Variants in IL1RAPL2 observed in about 807,000 individuals in gnomAD.
IL1RAPL2 encodes interleukin 1 receptor accessory protein like 2.
In IL1RAPL2, 3 loss-of-function variants were observed where a neutral mutation model predicts 44.1. The observed-to-expected ratio is 0.07, with a 90% CI of 0.03 to 0.18. IL1RAPL2 has a LOEUF of 0.18. Ranked by LOEUF, IL1RAPL2 falls within the 10% of genes least tolerant of loss-of-function variation. The pLI is 1.00. For missense variants in IL1RAPL2, 391 were observed against 496.4 expected (o/e 0.79, Z 2.02); for synonymous variants, 181 against 178.8 (o/e 1.01, Z -0.10).
intron 5 of IL1RAPL2, among the ~76,000 whole-genome samples, chrX:105,416,434 T>G (rs1181522721): frequency 8.9e-6 from 1 of 112,183 alleles, no homozygotes; most frequent in Non-Finnish European, 1.9e-5. Flanking sequence ...ACGACATTAT[T>G]TGCTGTGTAG....
Position 105,362,504 on chromosome X carries a change from G to T in IL1RAPL2, c.697+94963G>T, listed in dbSNP as rs957601738. 3.6e-5 allele frequency among the ~76,000 whole-genome samples: 4 copies of T among 110,763 alleles called. No individual in the cohort carries two copies. In the South Asian group the frequency reaches 1.5e-3, roughly 42 times the overall value. ...CCTTCACAGCCTGAGGGGGTAGGAA[G>T]TTTTATAAACTCCACGCCCGCCCCC... On this transcript the variant is annotated intron_variant, in intron 5 of 10. Coordinates refer to ENST00000372582, the MANE Select transcript of IL1RAPL2 (RefSeq NM_017416.2).
At chrX:104,736,666 G>A (rs974255104) in intron 2 of IL1RAPL2, among the ~76,000 whole-genome samples, 3 of 112,167 alleles carry the variant, frequency 2.7e-5, no homozygotes, top group African/African-American at 9.7e-5. Context: ...TTAAAAAGTA[G>A]CCTCTTGTCC....
chrX:104,678,197 C>T (rs1231269586), intron 2 of IL1RAPL2, among the ~76,000 whole-genome samples: 2 of 112,627 alleles, frequency 1.8e-5, no homozygotes, highest in East Asian at 5.6e-4. Context: ...TAAGAAAATG[C>T]TGTGTAAATG....
At chrX:104,567,231 G>A (rs1421610515) in intron 1 of IL1RAPL2, among the ~76,000 whole-genome samples, 180 bp downstream of exon 1, 2 of 112,961 alleles carry the variant, frequency 1.8e-5, no homozygotes, top group African/African-American at 6.4e-5. Flanking sequence ...TTCCCAGAAA[G>A]TTTAGGGAAT....
chrX:105,022,183 A>G (rs1320014356), intron 2 of IL1RAPL2, among the ~76,000 whole-genome samples: 1 of 111,098 alleles, frequency 9.0e-6, no homozygotes, highest in Non-Finnish European at 1.9e-5. Context: ...ATCTATAGAT[A>G]AATTTATTTT....
At chrX:104,936,874 G>C (rs1185605803) in intron 2 of IL1RAPL2, among the ~76,000 whole-genome samples, 3 of 111,081 alleles carry the variant, frequency 2.7e-5, no homozygotes, top group Non-Finnish European at 5.7e-5. Context: ...CCAAAGTGCT[G>C]GGATTACAGG....
intron 6 of IL1RAPL2, among the ~76,000 whole-genome samples, chrX:105,664,229 T>C (rs1043436341): frequency 8.9e-6 from 1 of 111,813 alleles, no homozygotes; most frequent in Non-Finnish European, 1.9e-5. Flanking sequence ...GGAGAAAGGA[T>C]ATCTTCCTGA....
chrX:105,515,697 T>A (rs2036507960), intron 6 of IL1RAPL2, among the ~76,000 whole-genome samples: 1 of 111,240 alleles, frequency 9.0e-6, no homozygotes, highest in Non-Finnish European at 1.9e-5. Flanking sequence ...GACAATACTT[T>A]CTCATTTTAT....
At chrX:105,305,632 A>T (rs1402154425) in intron 5 of IL1RAPL2, among the ~76,000 whole-genome samples, 1 of 111,479 alleles carries the variant, frequency 9.0e-6, no homozygotes, top group African/African-American at 3.3e-5. Flanking sequence ...CCTGAAGGGG[A>T]ATTCTTCCCA....
chrX:105,305,502 G>C (rs904059108), intron 5 of IL1RAPL2, among the ~76,000 whole-genome samples: 4 of 105,888 alleles, frequency 3.8e-5, no homozygotes, highest in African/African-American at 1.4e-4. Context: ...TCCTTTCTCT[G>C]TCTCCCCATC....
chrX:105,247,922 T>C (rs1218231155), intron 4 of IL1RAPL2, among the ~76,000 whole-genome samples: 1 of 109,680 alleles, frequency 9.1e-6, no homozygotes, highest in Non-Finnish European at 1.9e-5. Flanking sequence ...TTTTCCCTTC[T>C]CTAATTTTTT....
intron 6 of IL1RAPL2, among the ~76,000 whole-genome samples, chrX:105,503,235 A>G (rs949736119): frequency 1.2e-4 from 13 of 111,452 alleles, no homozygotes; most frequent in African/African-American, 4.2e-4. Flanking sequence ...ACTCAAGCCC[A>G]TAAGTCAAAG....
intron 6 of IL1RAPL2, among the ~76,000 whole-genome samples, chrX:105,535,089 A>C (rs1396136495): frequency 8.9e-6 from 1 of 111,839 alleles, no homozygotes; most frequent in Non-Finnish European, 1.9e-5. Flanking sequence ...ACAGGCTATA[A>C]ACTGTATGAA....
At chrX:105,079,507 A>C (rs993426442) in intron 2 of IL1RAPL2, among the ~76,000 whole-genome samples, 3 of 109,566 alleles carry the variant, frequency 2.7e-5, no homozygotes, top group Non-Finnish European at 5.7e-5. Flanking sequence ...AGCTTCATCC[A>C]TGTCCCTACA....
intron 2 of IL1RAPL2, among the ~76,000 whole-genome samples, chrX:105,139,116 C>A (rs914315383): frequency 8.9e-6 from 1 of 111,741 alleles, no homozygotes; most frequent in Admixed American, 9.5e-5. Context: ...ACAGCACTTC[C>A]GCCTGCTCCT....
chrX:105,761,451 G>A (rs2038687760), intron 10 of IL1RAPL2, among the ~76,000 whole-genome samples: 1 of 111,412 alleles, frequency 9.0e-6, no homozygotes, highest in Admixed American at 9.5e-5. Context: ...TATTTTTAGT[G>A]ATATAAGGTA....
chrX:105,242,492 C>T (rs965375079), intron 4 of IL1RAPL2, among the ~76,000 whole-genome samples: 12 of 111,506 alleles, frequency 1.1e-4, no homozygotes, highest in South Asian at 3.7e-4. Context: ...TTTAAAATAG[C>T]TTTTCTTTCT....
At chrX:104,900,428 C>A (rs1016793234) in intron 2 of IL1RAPL2, among the ~76,000 whole-genome samples, 12 of 111,118 alleles carry the variant, frequency 1.1e-4, no homozygotes, top group Non-Finnish European at 1.9e-4. Context: ...TACACAGATT[C>A]TTGAAGGCGG....
intron 2 of IL1RAPL2, among the ~76,000 whole-genome samples, chrX:104,839,825 T>C (rs755410420): frequency 8.9e-6 from 1 of 111,931 alleles, no homozygotes; most frequent in Non-Finnish European, 1.9e-5. Context: ...GGAGGGTGTA[T>C]GTGTCTGGGA....
Sources: allele counts gnomAD v4.1 joint callset (sites outside exome capture counted in the v4.1 genomes callset), GRCh38; gene constraint gnomAD v4.1.1; transcripts MANE v1.5; gene names NCBI Gene and HGNC (gene_info 2026-07-23, HGNC 2026-07-21).